The following CLCN7 variants were observed in gnomAD, a reference collection of about 807,000 sequenced individuals.
CLCN7 encodes the protein H(+)/Cl(-) exchange transporter 7.
In CLCN7, 60 loss-of-function variants were observed where a neutral mutation model predicts 102.1. The observed-to-expected ratio is 0.59, with a 90% CI of 0.48 to 0.73. The LOEUF (loss-of-function observed/expected upper bound fraction) is 0.73, where lower values mean the gene tolerates loss of function less well. Ranked by LOEUF, CLCN7 falls within the 30% of genes least tolerant of loss-of-function variation. The pLI is 0.00. For missense variants in CLCN7, 962 were observed against 1,125.7 expected, an observed-to-expected ratio of 0.85 and a Z score of 2.08; for synonymous variants, 560 against 490.5, an observed-to-expected ratio of 1.14 and a Z score of -1.87.
At chr16:1,454,541 C>T in intron 12 of CLCN7, 76 bp from the exon 13 acceptor site, 1 of 1,394,608 alleles carries the variant, frequency 7.2e-7, no homozygotes, top group Non-Finnish European at 1.0e-6. Flanking sequence ...ACTCAAGGAC[C>T]ACCATCTTAA....
intron 7 of CLCN7, among the ~76,000 whole-genome samples, chr16:1,458,904 T>C (rs1176886287): frequency 1.3e-5 from 2 of 152,160 alleles, no homozygotes; most frequent in Non-Finnish European, 2.9e-5. Flanking sequence ...TCTTACGTAA[T>C]TTAATATGTG....
At chr16:1,462,852 G>C (rs2038958575) in intron 2 of CLCN7, among the ~76,000 whole-genome samples, 1 of 152,096 alleles carries the variant, frequency 6.6e-6, no homozygotes, top group East Asian at 1.9e-4. Flanking sequence ...TGGTACAACT[G>C]GATTTCCACA....
Position 1,461,653 on chromosome 16 carries a change from AG to A in CLCN7, c.234del (p.Phe79SerfsTer104). On this transcript the variant is annotated frameshift_variant, in exon 3 of 25. Transcript: ENST00000382745. LOFTEE classifies it high-confidence loss of function. ...LLDPDMDPPH[P>X]FPKEIPHNEK... ...TCGTTGTGTGGGATCTCCTTGGGGA[AG>A]GGATGTGGAGGGTCCATATCCTGTG... 6.2e-7 allele frequency: 1 copy of A among 1,614,098 alleles called. No individual in the cohort carries two copies. Among genetic ancestry groups the A allele is most frequent in the Non-Finnish European group, 8.5e-7 (1 of 1,180,012 alleles).
At position 1,457,154 on chromosome 16, in the gene CLCN7, C is replaced by A; in HGVS notation, c.822+100G>T. On this transcript the variant is annotated intron_variant, in intron 9 of 24. Coordinates refer to ENST00000382745, the MANE Select transcript of CLCN7 (RefSeq NM_001287.6). This position sits in a 1 kb window ranked among gnomAD's most constrained non-coding sequence, Gnocchi z 5.4. Reference sequence around the variant, plus strand: ...AGGCTGTCCTCAGATGGGGCTGGGGCTCTCGGCCTGGGGGTGCTGAGGGAA... The same window carrying A: ...AGGCTGTCCTCAGATGGGGCTGGGGATCTCGGCCTGGGGGTGCTGAGGGAA... 8.9e-7 allele frequency: 1 copy of A among 1,128,942 alleles called. No individual in the cohort carries two copies. Among genetic ancestry groups the A allele is most frequent in the African/African-American group, 1.5e-5 (1 of 65,554 alleles). 69.9% of individuals were successfully genotyped at this position (1,128,942 alleles called of 1,614,324 possible).
intron 7 of CLCN7, among the ~76,000 whole-genome samples, chr16:1,458,415 G>A (rs561702846): frequency 2.0e-4 from 30 of 152,378 alleles, no homozygotes; most frequent in South Asian, 1.7e-3. Flanking sequence ...CCAGCCTGGC[G>A]CGGGTGACAG....
intron 11 of CLCN7, 25 bp from the exon 12 acceptor site, chr16:1,455,275 C>A (rs139465002): frequency 2.1e-6 from 3 of 1,430,804 alleles, no homozygotes; most frequent in African/African-American, 2.8e-5. Flanking sequence ...AGGAAACCAG[C>A]GCCCTCAGAG....
At chr16:1,448,143 A>AC in intron 21 of CLCN7, 1 of 682,550 alleles carries the variant, frequency 1.5e-6, no homozygotes, top group Non-Finnish European at 2.5e-6. Context: ...CTGGGTGCCA[A>AC]CCCCAAGACC....
intron 12 of CLCN7, 82 bp from the exon 13 acceptor site, chr16:1,454,547 C>CTT: frequency 1.5e-6 from 2 of 1,312,096 alleles, no homozygotes; most frequent in Non-Finnish European, 2.2e-6. Context: ...GGACCACCAT[C>CTT]TTAAGAGAGC....
chr16:1,471,747 T>A (rs962288911), intron 1 of CLCN7: 1 of 152,130 alleles, frequency 6.6e-6, no homozygotes, highest in African/African-American at 2.4e-5. Flanking sequence ...CATCGGCGAG[T>A]CCGATGCTCA....
rs888462801 is a variant in CLCN7 at position 1,448,267 on chromosome 16, C to A, written c.2013+88G>T. The stretch of plus-strand genomic sequence containing the variant: ...CAGTGCACCCAAACGTGCAGCTTCC[C>A]CATCCTGCAAACCTTGCCGTGTGCT... On this transcript the variant is annotated intron_variant, in intron 21 of 24. Coordinates refer to ENST00000382745, the MANE Select transcript of CLCN7 (RefSeq NM_001287.6). 1.5e-5 allele frequency: 23 copies of A among 1,558,356 alleles called. No homozygotes were observed. The African/African-American group carries it at 2.8e-4, about 19-fold the overall frequency.
chr16:1,453,433 C>T lies in CLCN7; in HGVS notation c.1214+401G>A, dbSNP rs536436539. Reference sequence around the variant, plus strand: ...GTGGGAAGTGGCGCTACCCGTGCCCCGGCTGTACCCGACAGTATTGAAATC... The same window carrying T: ...GTGGGAAGTGGCGCTACCCGTGCCCTGGCTGTACCCGACAGTATTGAAATC... On this transcript the variant is annotated intron_variant, in intron 14 of 24. Transcript: ENST00000382745. Among the ~76,000 whole-genome samples the T allele has an allele frequency of 5.9e-5, 9 of 152,314 alleles. No homozygotes were observed. In the East Asian group the frequency reaches 7.7e-4, roughly 13 times the overall value.
rs112275868 is a variant in CLCN7, at chr16:1,453,032, A to C, written c.1215-139T>G. The C allele has an allele frequency of 2.9e-3, 3,815 of 1,293,596 alleles. 93 individuals are homozygous for C. The African/African-American group carries it at 0.048, about 16-fold the overall frequency. The allele number at this position is 1,293,596 out of a possible 1,614,324, so 80.1% of individuals were successfully genotyped here. On this transcript the variant is annotated intron_variant, in intron 14 of 24. Coordinates refer to ENST00000382745, the MANE Select transcript of CLCN7 (RefSeq NM_001287.6). ...TTGTTTGTTTTTGTTTTTGAGACGG[A>C]GTTTTGCTCTTGTTGCCCAGGCTGG...
At position 1,449,990 on chromosome 16, in the gene CLCN7, G is replaced by A. The variant is rs1425079842; in HGVS notation, c.1617+507C>T. On this transcript the variant is annotated intron_variant, in intron 17 of 24. Coordinates refer to ENST00000382745, the MANE Select transcript of CLCN7 (RefSeq NM_001287.6). ...GCATGGCCGGGGGCTTCCTGCCAGG[G>A]CCTCTTACAGGTTTTCAGTCTTATT... 3 of 173,610 alleles carry A rather than the reference G, an allele frequency of 1.7e-5. No individual in the cohort carries two copies. The East Asian group carries it at 4.7e-4, about 27-fold the overall frequency. 10.8% of individuals were successfully genotyped at this position (173,610 alleles called of 1,614,324 possible).
rs115563394 is a variant in CLCN7 at position 1,449,662 on chromosome 16, C to T, written c.1618-335G>A. 313 of 442,570 alleles carry T rather than the reference C, an allele frequency of 7.1e-4. 2 individuals carry two copies. The highest frequency in any genetic ancestry group is 3.4e-3 in the African/African-American group (171 of 50,610). The allele number at this position is 442,570 out of a possible 1,614,324, so 27.4% of individuals were successfully genotyped here. On this transcript the variant is annotated intron_variant, in intron 17 of 24. Transcript: ENST00000382745. ...CCGGCACACACGACACAGAGAGCCC[C>T]GGGAACATCAGGCTGGGCCACAGAA... is the stretch of plus-strand genomic sequence containing the variant.
chr16:1,455,636 G>A (rs113713261), intron 11 of CLCN7, 95 bp downstream of exon 11: 131 of 1,331,918 alleles, frequency 9.8e-5, no homozygotes, highest in African/African-American at 1.9e-4. Flanking sequence ...AGCTCCAGCC[G>A]CAGCTCGATG....
chr16:1,474,839 G>C lies in CLCN7; in HGVS notation c.136C>G (p.Arg46Gly). 1 of 1,360,696 alleles carries C rather than the reference G, an allele frequency of 7.3e-7. No homozygotes were observed. The highest frequency in any genetic ancestry group is 1.7e-5 in the South Asian group (1 of 59,078). The allele number at this position is 1,360,696 out of a possible 1,614,324, so 84.3% of individuals were successfully genotyped here. A position where few individuals can be genotyped will look rare whatever the true frequency, so the allele number is the denominator to read the frequency against. The change falls in exon 1 of 25, where the codon CGC (arginine) becomes GGC (glycine). Residue 46 changes from arginine (R) to glycine (G), a missense_variant. Transcript: ENST00000382745. ...LLNGAGPGAA[R>G]QSPRSALFRV... ...TGCGCCCTGCCCGGCCTCACCTGGC[G>C]CGCAGCCCCAGGCCCAGCCCCGTTC...
At chr16:1,447,979 AG>A (rs2038680768) in intron 21 of CLCN7, among the ~76,000 whole-genome samples, 1 of 152,206 alleles carries the variant, frequency 6.6e-6, no homozygotes, top group African/African-American at 2.4e-5. Flanking sequence ...GCTTTGCTGC[AG>A]GGCAGATGCA....
intron 1 of CLCN7, 149 bp from the exon 2 acceptor site, chr16:1,465,487 C>A: frequency 1.3e-6 from 1 of 749,104 alleles, no homozygotes; most frequent in Non-Finnish European, 2.3e-6. Context: ...TGGGTGGGGG[C>A]AGCAGGGCTG....
At chr16:1,461,106 T>C (rs1364471167) in intron 4 of CLCN7, among the ~76,000 whole-genome samples, 158 bp from the exon 5 acceptor site, 1 of 152,236 alleles carries the variant, frequency 6.6e-6, no homozygotes, top group South Asian at 2.1e-4. Flanking sequence ...GGCCAACATC[T>C]GAGGCGCACC....
Sources: gnomAD v4.1 joint callset for allele counts (sites outside exome capture counted in the v4.1 genomes callset) on GRCh38, gnomAD v4.1.1 for gene constraint, Gnocchi (gnomAD v3.1) non-coding constraint, MANE v1.5 for transcripts, NCBI Gene and HGNC (gene_info 2026-07-23, HGNC 2026-07-21) for gene names.